Variants in HEATR3 observed in about 807,000 individuals in gnomAD.
The protein encoded by HEATR3 is HEAT repeat containing 3.
Under a neutral mutation model 72.8 loss-of-function variants are expected in HEATR3, and 56 were observed. The ratio of observed to expected loss-of-function variants is 0.77; its 90% CI spans 0.62 to 0.96. HEATR3 has a LOEUF of 0.96. Among genes scored for constraint, HEATR3 ranks in the 40% least tolerant of loss-of-function variants. The pLI is 0.00. For missense variants in HEATR3, 747 were observed against 831.4 expected (o/e 0.90, Z 1.25); for synonymous variants, 331 against 318.1 (o/e 1.04, Z -0.43).
rs1374357996 is a variant in HEATR3, at chr16:50,106,077, A to G, written c.*1016A>G. On this transcript the variant is annotated 3_prime_UTR_variant, in exon 15 of 15. Coordinates refer to ENST00000299192, the MANE Select transcript of HEATR3 (RefSeq NM_182922.4). ...TGAATTTTGCAAAGAAAGAAAATCC[A>G]AAGCATTGCTTGGATGTTCTTTTAA... 5 of 152,224 alleles carry G rather than the reference A, an allele frequency of 3.3e-5. No homozygotes were observed. The highest frequency in any genetic ancestry group is 7.3e-5 in the Non-Finnish European group (5 of 68,036). 9.4% of individuals were successfully genotyped at this position (152,224 alleles called of 1,614,324 possible). A position where few individuals can be genotyped will look rare whatever the true frequency, so the allele number is the denominator to read the frequency against.
chr16:50,093,639 T>TC (rs1275405066), intron 11 of HEATR3, among the ~76,000 whole-genome samples: 1 of 152,074 alleles, frequency 6.6e-6, no homozygotes, highest in Non-Finnish European at 1.5e-5. Flanking sequence ...GAAATACTAG[T>TC]CTAGGGCCTC....
Position 50,100,536 on chromosome 16 carries a change from A to T in HEATR3, c.1743+163A>T, listed in dbSNP as rs2037343555. 9.6e-6 allele frequency: 6 copies of T among 624,614 alleles called. No homozygotes were observed. The South Asian group carries it at 1.3e-4, about 13-fold the overall frequency. The allele number at this position is 624,614 out of a possible 1,614,324, so 38.7% of individuals were successfully genotyped here. On this transcript the variant is annotated intron_variant, in intron 13 of 14. Coordinates refer to ENST00000299192, the MANE Select transcript of HEATR3 (RefSeq NM_182922.4). Reference sequence around the variant, plus strand: ...AGAATATACCCTTTGGCTTGATCTAACTATGTGTATTAATTAGGTAAGTAT... The same window carrying T: ...AGAATATACCCTTTGGCTTGATCTATCTATGTGTATTAATTAGGTAAGTAT...
intron 9 of HEATR3, 50 bp downstream of exon 9, chr16:50,084,341 G>A: frequency 6.4e-7 from 1 of 1,571,722 alleles, no homozygotes. Flanking sequence ...AAAGGCTTAA[G>A]CAAGGTATTC....
At chr16:50,090,416 T>C in intron 11 of HEATR3, among the ~76,000 whole-genome samples, 1 of 152,176 alleles carries the variant, frequency 6.6e-6, no homozygotes, top group Admixed American at 6.5e-5. Context: ...CTGTTTTGTG[T>C]TATGGTTGAG....
chr16:50,087,134 G>T (rs1443705898), intron 11 of HEATR3, among the ~76,000 whole-genome samples: 1 of 152,126 alleles, frequency 6.6e-6, no homozygotes, highest in Non-Finnish European at 1.5e-5. Context: ...TATCCTTCCA[G>T]AGAGATTCTC....
intron 5 of HEATR3, chr16:50,074,525 A>C (rs2036679738): frequency 6.6e-6 from 1 of 152,000 alleles, no homozygotes; most frequent in African/African-American, 2.4e-5. Context: ...TTTTCAGTAG[A>C]GATGGGGTTT....
At chr16:50,068,971 A>G in intron 3 of HEATR3, 104 bp downstream of exon 3, 24 of 750,288 alleles carry the variant, frequency 3.2e-5, no homozygotes, top group Non-Finnish European at 2.3e-6. Context: ...TAAACATCTT[A>G]TGGAAATTTC....
intron 7 of HEATR3, among the ~76,000 whole-genome samples, chr16:50,080,631 G>A (rs767229740): frequency 6.6e-5 from 10 of 152,082 alleles, no homozygotes; most frequent in East Asian, 1.9e-4. Flanking sequence ...AAGCCACTGC[G>A]CCCAGCCTAG....
intron 12 of HEATR3, among the ~76,000 whole-genome samples, chr16:50,097,269 G>A (rs1358247829): frequency 6.7e-6 from 1 of 148,280 alleles, no homozygotes; most frequent in African/African-American, 2.5e-5. Flanking sequence ...GCTCCATTAT[G>A]TCATTAGTGG....
At chr16:50,067,973 G>A (rs2150593655) in intron 2 of HEATR3, among the ~76,000 whole-genome samples, 1 of 152,304 alleles carries the variant, frequency 6.6e-6, no homozygotes, top group East Asian at 1.9e-4. Context: ...TACAAACAAA[G>A]GGTTCAGGGA....
chr16:50,105,162 A>T lies in HEATR3; in HGVS notation c.*101A>T. ...ATATGTTTCTGAAAGTCATTTTTTA[A>T]TGATTACATTCTGTACATTCTGTAA... is the stretch of plus-strand genomic sequence containing the variant. On this transcript the variant is annotated 3_prime_UTR_variant, in exon 15 of 15. Transcript: ENST00000299192. 7.7e-7 allele frequency: 1 copy of T among 1,295,338 alleles called. No homozygotes were observed. Among genetic ancestry groups the T allele is most frequent in the Admixed American group, 2.2e-5 (1 of 45,478 alleles). The allele number at this position is 1,295,338 out of a possible 1,614,324, so 80.2% of individuals were successfully genotyped here.
intron 6 of HEATR3, 120 bp from the exon 7 acceptor site, chr16:50,078,621 G>A: frequency 2.2e-6 from 2 of 900,228 alleles, no homozygotes; most frequent in Non-Finnish European, 3.3e-6. Context: ...ATGAACAAAG[G>A]CAGTAGGGCT....
rs762239818 is a variant in HEATR3, at chr16:50,066,442, C to T, written c.214C>T (p.Leu72Phe). The T allele has an allele frequency of 6.3e-6, 9 of 1,419,506 alleles. No individual in the cohort carries two copies. Among genetic ancestry groups the T allele is most frequent in the Non-Finnish European group, 3.6e-6 (4 of 1,097,190 alleles). The allele number at this position is 1,419,506 out of a possible 1,614,324, so 87.9% of individuals were successfully genotyped here. A position where few individuals can be genotyped will look rare whatever the true frequency, so the allele number is the denominator to read the frequency against. Reference sequence around the variant, plus strand: ...CCGGCTGGTGCAGCAGCGGCCGGCACTCCCGGGCCTGGCGCGACGAGACGC... The same window carrying T: ...CCGGCTGGTGCAGCAGCGGCCGGCATTCCCGGGCCTGGCGCGACGAGACGC... ...LARLVQQRPA[L>F]PGLARRDAVR... is the part of the protein sequence containing the mutation. Residue 72 changes from leucine to phenylalanine, a missense_variant, in exon 2 of 15, where the codon CTC becomes TTC. Around this residue, in one of 2 missense-constraint regions of HEATR3, gnomAD observed 161 missense variants for 122.6 expected, o/e 1.31. Transcript: ENST00000299192.
Position 50,077,184 on chromosome 16 carries a change from A to AT in HEATR3, c.763+1480dup, listed in dbSNP as rs1053652089. Among the ~76,000 whole-genome samples the AT allele has an allele frequency of 7.8e-5, 11 of 141,926 alleles. No individual in the cohort carries two copies. The South Asian group carries it at 8.9e-4, about 12-fold the overall frequency. 93.1% of individuals were successfully genotyped at this position (141,926 alleles called of 152,430 possible). ...CCACCGCGCCTGGCCTAATTTTTTT[A>AT]TTTTTTTAGTAGAGACGAGGTTTCA... is the stretch of plus-strand genomic sequence containing the variant. On this transcript the variant is annotated intron_variant, in intron 6 of 14. Coordinates refer to ENST00000299192, the MANE Select transcript of HEATR3 (RefSeq NM_182922.4).
intron 7 of HEATR3, among the ~76,000 whole-genome samples, chr16:50,082,480 G>A (rs961541943): frequency 1.3e-5 from 2 of 151,984 alleles, no homozygotes; most frequent in African/African-American, 2.4e-5. Context: ...CACACACAAA[G>A]CAAATAGAAA....
At chr16:50,099,682 G>A (rs1471551858) in intron 12 of HEATR3, among the ~76,000 whole-genome samples, 1 of 152,134 alleles carries the variant, frequency 6.6e-6, no homozygotes, top group African/African-American at 2.4e-5. Context: ...AGGTTCAAGC[G>A]TTTCTTGTGC....
rs375584059 is a variant in HEATR3, at chr16:50,084,519, G to A, written c.1291-50G>A. 3.0e-6 allele frequency: 4 copies of A among 1,330,146 alleles called. No individual in the cohort carries two copies. In the African/African-American group the frequency reaches 5.8e-5, roughly 19 times the overall value. The allele number at this position is 1,330,146 out of a possible 1,614,324, so 82.4% of individuals were successfully genotyped here. A position where few individuals can be genotyped will look rare whatever the true frequency, so the allele number is the denominator to read the frequency against. ...TGTTGGAATTATGTAAGGGAATCGTGTTAAATGACTACTCTTTAACCTTTG... is the reference window on the plus strand; with the variant it reads ...TGTTGGAATTATGTAAGGGAATCGTATTAAATGACTACTCTTTAACCTTTG... On this transcript the variant is annotated intron_variant, in intron 9 of 14. Coordinates refer to ENST00000299192, the MANE Select transcript of HEATR3 (RefSeq NM_182922.4).
intron 10 of HEATR3, 37 bp from the exon 11 acceptor site, chr16:50,086,178 T>A (rs2036981946): frequency 6.5e-7 from 1 of 1,549,780 alleles, no homozygotes; most frequent in African/African-American, 1.4e-5. Context: ...GGGCAACTTC[T>A]GGAGAATCAG....
At chr16:50,075,847 G>A in intron 6 of HEATR3, 136 bp downstream of exon 6, 1 of 684,408 alleles carries the variant, frequency 1.5e-6, no homozygotes, top group African/African-American at 1.8e-5. Context: ...TTTAATATCT[G>A]AGAAGAGACC....
Sources: gnomAD v4.1 joint callset for allele counts (sites outside exome capture counted in the v4.1 genomes callset) on GRCh38, gnomAD v4.1.1 for gene constraint, gnomAD v4.1.1 regional missense constraint, MANE v1.5 for transcripts, NCBI Gene and HGNC (gene_info 2026-07-23, HGNC 2026-07-21) for gene names.